The following YME1L1 variants were observed in gnomAD, a reference collection of about 807,000 sequenced individuals.
YME1L1 encodes YME1 like 1 ATPase.
In YME1L1, 39 loss-of-function variants were observed where a neutral mutation model predicts 90.4. That is an observed-to-expected ratio of 0.43 (90% CI 0.33 to 0.56). YME1L1 has a LOEUF of 0.56. YME1L1 is among the 20% of genes least tolerant of loss of function. YME1L1 has a pLI of 0.03. For synonymous variants in YME1L1, 284 were observed against 287.3 expected (o/e 0.99, Z 0.12); for missense variants, 617 against 868.4 (o/e 0.71, Z 3.64).
At chr10:27,153,741 T>A (rs2057265309) in intron 1 of YME1L1, among the ~76,000 whole-genome samples, 1 of 152,116 alleles carries the variant, frequency 6.6e-6, no homozygotes, top group Admixed American at 6.5e-5. Flanking sequence ...AAATTTAAAT[T>A]CCATTTAAAA....
chr10:27,143,616 T>C (rs1564467356), intron 3 of YME1L1, among the ~76,000 whole-genome samples: 1 of 146,968 alleles, frequency 6.8e-6, no homozygotes. Context: ...GAGAATGGCG[T>C]GAACTGGGAA....
rs1321387456 is a variant in YME1L1, at chr10:27,119,370, T to C, written c.1491A>G (p.Ala497=). 5 of 1,613,938 alleles carry C rather than the reference T, an allele frequency of 3.1e-6. No homozygotes were observed. Among genetic ancestry groups the C allele is most frequent in the South Asian group, 1.1e-5 (1 of 91,056 alleles). ...CTTTTCCATCAACAGCTGCTTTTAA[T>C]GCAGCCTGGTTCACAAGATTCTCCA... is the stretch of plus-strand genomic sequence containing the variant. ...AELENLVNQA[A]LKAAVDGKEM... Residue 497 remains alanine, a synonymous_variant, in exon 14 of 19, where the codon GCA becomes GCG. Transcript: ENST00000376016.
chr10:27,133,433 T>C (rs2056996230), intron 7 of YME1L1, among the ~76,000 whole-genome samples: 1 of 152,104 alleles, frequency 6.6e-6, no homozygotes. Flanking sequence ...GGCTGAAAAA[T>C]GAGCTGGCAA....
At chr10:27,115,696 A>G (rs1426991843) in intron 17 of YME1L1, among the ~76,000 whole-genome samples, 1 of 152,194 alleles carries the variant, frequency 6.6e-6, no homozygotes, top group Non-Finnish European at 1.5e-5. Flanking sequence ...CATAATTCAC[A>G]GAGTATAGTA....
At position 27,122,958 on chromosome 10, in the gene YME1L1, T is replaced by C. The variant is rs914728696; in HGVS notation, c.1118A>G (p.Asn373Ser). The change falls in exon 11 of 19, where the codon AAT becomes AGT. Residue 373 changes from asparagine (N) to serine (S), a missense_variant. Asn to Ser is a conservative substitution (Grantham distance 46, BLOSUM62 1). Around this residue, in one of 4 missense-constraint regions of YME1L1, gnomAD observed 93 missense variants for 184.8 expected, o/e 0.50. Coordinates refer to ENST00000376016, the MANE Select transcript of YME1L1 (RefSeq NM_014263.4). ...IRNLFREAKA[N>S]APCVIFIDEL... ...ATCAATAAATATAACACAAGGAGCA[T>C]TCGCCTTTGCTTCCCCTAAGAAAAC... 6.2e-7 allele frequency: 1 copy of C among 1,611,512 alleles called. No individual in the cohort carries two copies. Among genetic ancestry groups the C allele is most frequent in the South Asian group, 1.1e-5 (1 of 90,302 alleles).
rs201724223 is a variant in YME1L1, at chr10:27,114,548, G to A, written c.1980C>T (p.Ile660=). 41 of 1,613,714 alleles carry A rather than the reference G, an allele frequency of 2.5e-5. No individual in the cohort carries two copies. The East Asian group carries it at 3.6e-4, about 14-fold the overall frequency. Residue 660 remains isoleucine (I), a synonymous_variant, in exon 18 of 19, where the codon ATC becomes ATT. Coordinates refer to ENST00000376016, the MANE Select transcript of YME1L1 (RefSeq NM_014263.4). ...GKLSPETQSA[I]EQEIRILLRD... is the part of the protein sequence containing the mutation. Reference sequence around the variant, plus strand: ...TTAGAAGGATTCTTATTTCTTGTTCGATGGCAGATTGGGTTTCTGGACTTA... The same window carrying A: ...TTAGAAGGATTCTTATTTCTTGTTCAATGGCAGATTGGGTTTCTGGACTTA...
Position 27,116,840 on chromosome 10 carries a change from C to A in YME1L1, c.1720-495G>T, listed in dbSNP as rs908157918. ...CCCAGGAGTTTGAGAGTAGACTGGG[C>A]AACATCGCGAGACTCCATCAATATA... is the stretch of plus-strand genomic sequence containing the variant. On this transcript the variant is annotated intron_variant, in intron 15 of 18. Coordinates refer to ENST00000376016, the MANE Select transcript of YME1L1 (RefSeq NM_014263.4). Among the ~76,000 whole-genome samples the A allele has an allele frequency of 2.6e-5, 4 of 151,808 alleles. No individual in the cohort carries two copies. In the East Asian group the frequency reaches 7.8e-4, roughly 29 times the overall value.
rs558362373 is a variant in YME1L1, at chr10:27,111,922, A to C, written c.*55T>G. 1 of 1,594,882 alleles carries C rather than the reference A, an allele frequency of 6.3e-7. No homozygotes were observed. Among genetic ancestry groups the C allele is most frequent in the South Asian group, 1.1e-5 (1 of 90,660 alleles). ...AAGCGTTGTAAAAGTAGACTACTGC[A>C]ATGCTACTTGTATTCTTGCAATAAA... On this transcript the variant is annotated 3_prime_UTR_variant, in exon 19 of 19. Transcript: ENST00000376016.
intron 4 of YME1L1, among the ~76,000 whole-genome samples, chr10:27,140,201 T>G (rs1192238488): frequency 6.6e-6 from 1 of 152,056 alleles, no homozygotes; most frequent in Non-Finnish European, 1.5e-5. Flanking sequence ...AACGGGGTTT[T>G]ACCATGTTGG....
At chr10:27,118,059 T>C (rs1211377573) in intron 14 of YME1L1, among the ~76,000 whole-genome samples, 1 of 152,220 alleles carries the variant, frequency 6.6e-6, no homozygotes, top group African/African-American at 2.4e-5. Context: ...AATTTTGGTA[T>C]CCACATGGGT....
rs746235941 is a variant in YME1L1, at chr10:27,114,526, G to C, written c.2002C>G (p.Leu668Val). 6.2e-7 allele frequency: 1 copy of C among 1,612,520 alleles called. No homozygotes were observed. Among genetic ancestry groups the C allele is most frequent in the South Asian group, 1.1e-5 (1 of 90,940 alleles). ...AGCACAAAAAATATTATTACCCTTA[G>C]AAGGATTCTTATTTCTTGTTCGATG... ...SAIEQEIRIL[L>V]RDSYERAKHI... Residue 668 changes from leucine (L) to valine (V), a missense_variant, in exon 18 of 19, where the codon CTA becomes GTA. Physicochemically the swap from Leu to Val is conservative, Grantham distance 32. Around this residue, in one of 4 missense-constraint regions of YME1L1, gnomAD observed 212 missense variants for 330.0 expected, o/e 0.64. Coordinates refer to ENST00000376016, the MANE Select transcript of YME1L1 (RefSeq NM_014263.4).
At chr10:27,141,304 G>A (rs898630578) in intron 4 of YME1L1, among the ~76,000 whole-genome samples, 3 of 152,136 alleles carry the variant, frequency 2.0e-5, no homozygotes, top group Non-Finnish European at 2.9e-5. Context: ...GCTGAGGCAG[G>A]AGAATTGCTT....
chr10:27,112,995 G>T (rs1401874749), intron 18 of YME1L1, among the ~76,000 whole-genome samples: 1 of 152,020 alleles, frequency 6.6e-6, no homozygotes, highest in African/African-American at 2.4e-5. Flanking sequence ...GCCAAGGCAG[G>T]TGGATCGTTT....
Position 27,112,098 on chromosome 10 carries a change from T to C in YME1L1, c.2030A>G (p.His677Arg), listed in dbSNP as rs142481948. 2 of 1,613,780 alleles carry C rather than the reference T, an allele frequency of 1.2e-6. No individual in the cohort carries two copies. The highest frequency in any genetic ancestry group is 1.7e-5 in the Admixed American group (1 of 59,954). ...CTCCTTTGCATGAGTTTTCAAGATA[T>C]GTTTTGCTCGTTCATATGAGTCCTG... The part of the protein sequence containing the change: ...LLRDSYERAK[H>R]ILKTHAKEHK... Residue 677 changes from histidine to arginine, a missense_variant, in exon 19 of 19, where the codon CAT (histidine) becomes CGT (arginine). By Grantham distance (29) the His-to-Arg change is conservative. Around this residue, in one of 4 missense-constraint regions of YME1L1, gnomAD observed 212 missense variants for 330.0 expected, o/e 0.64. Transcript: ENST00000376016.
chr10:27,126,837 T>A, intron 8 of YME1L1, 51 bp from the exon 9 acceptor site: 1 of 1,073,332 alleles, frequency 9.3e-7, no homozygotes, highest in Non-Finnish European at 1.4e-6. Context: ...CACGTTTGGT[T>A]AGATTATCAA....
Position 27,116,082 on chromosome 10 carries a change from G to T in YME1L1, c.1898C>A (p.Thr633Asn), listed in dbSNP as rs774016599. The T allele has an allele frequency of 6.8e-6, 11 of 1,613,656 alleles. No individual in the cohort carries two copies. The highest frequency in any genetic ancestry group is 9.3e-6 in the Non-Finnish European group (11 of 1,179,920). ...TACCTTTTCACTCATTCCAAATTTGGTAACCATCCGCTTTGCTATTTTAGT... is the reference window on the plus strand; with the variant it reads ...TACCTTTTCACTCATTCCAAATTTGTTAACCATCCGCTTTGCTATTTTAGT... ...NATKIAKRMV[T>N]KFGMSEKLGV... Residue 633 changes from threonine (T) to asparagine (N), a missense_variant, in exon 17 of 19, where the codon ACC becomes AAC. Physicochemically the swap from Thr to Asn is moderately conservative, Grantham distance 65. Coordinates refer to ENST00000376016, the MANE Select transcript of YME1L1 (RefSeq NM_014263.4).
intron 1 of YME1L1, among the ~76,000 whole-genome samples, chr10:27,152,850 A>G (rs2057238973): frequency 6.6e-6 from 1 of 151,832 alleles, no homozygotes; most frequent in South Asian, 2.1e-4. Flanking sequence ...AACATCTTCC[A>G]CTCTTGCCCT....
chr10:27,151,191 G>A (rs1228086431), intron 1 of YME1L1, among the ~76,000 whole-genome samples: 2 of 152,012 alleles, frequency 1.3e-5, no homozygotes, highest in Admixed American at 1.3e-4. Flanking sequence ...CAAAGTGCTG[G>A]GATTACATGC....
intron 9 of YME1L1, among the ~76,000 whole-genome samples, chr10:27,125,879 C>G (rs2056914041): frequency 1.3e-5 from 2 of 151,944 alleles, no homozygotes. Context: ...GCCCCTGGTT[C>G]AAGACCAGAC....
Sources: gnomAD v4.1 joint callset for allele counts (sites outside exome capture counted in the v4.1 genomes callset) on GRCh38, gnomAD v4.1.1 for gene constraint, gnomAD v4.1.1 regional missense constraint, MANE v1.5 for transcripts, NCBI Gene and HGNC (gene_info 2026-07-23, HGNC 2026-07-21) for gene names.